Variants in KCNQ1OT1 observed in about 807,000 individuals in gnomAD.
KCNQ1OT1 encodes KCNQ1 opposite strand/antisense transcript 1, also known as KCNQ1 antisense RNA 2 (non-protein coding).
rs1218155906 is a variant in KCNQ1OT1, at chr11:2,654,647, T to TGAGGGCA, written n.45341_45347dup. On this transcript the variant is annotated non_coding_transcript_exon_variant, in exon 1 of 1. Transcript: ENST00000597346. This position sits in a 1 kb window ranked among gnomAD's most constrained non-coding sequence, Gnocchi z 6.4. ...GGCCCAGACACTGGCGAGAGTCTCT[T>TGAGGGCA]GAGGGCAGAGGGCAGCAGAGATGGG... 3 of 398,672 alleles carry TGAGGGCA rather than the reference T, an allele frequency of 7.5e-6. No homozygotes were observed. Among genetic ancestry groups the TGAGGGCA allele is most frequent in the African/African-American group, 2.1e-5 (1 of 48,584 alleles). The allele number at this position is 398,672 out of a possible 1,614,324, so 24.7% of individuals were successfully genotyped here.
In KCNQ1OT1 at chr11:2,683,274, T is replaced by C; in HGVS notation, n.16721A>G. ...CCTCCAGAACCTGTCAGCCTGAGTA[T>C]GGGCAATGGCGTTTTAGTTTGCAAA... On this transcript the variant is annotated non_coding_transcript_exon_variant, in exon 1 of 1. Coordinates refer to ENST00000597346, the Ensembl canonical transcript of KCNQ1OT1. The surrounding 1 kb of genome is among the most constrained non-coding windows in gnomAD (Gnocchi z 4.7). The C allele has an allele frequency of 2.5e-6, 1 of 398,616 alleles. No individual in the cohort carries two copies. The allele number at this position is 398,616 out of a possible 1,614,324, so 24.7% of individuals were successfully genotyped here.
chr11:2,621,407 G>A lies in KCNQ1OT1; in HGVS notation n.78588C>T. On this transcript the variant is annotated non_coding_transcript_exon_variant, in exon 1 of 1. Transcript: ENST00000597346. This position sits in a 1 kb window ranked among gnomAD's most constrained non-coding sequence, Gnocchi z 5.7. ...CAATTGGATTATTCGTTTTTTGCTT[G>A]TTGATTGGTTTAAGTTCCTTATGGA... 2.5e-6 allele frequency: 1 copy of A among 398,556 alleles called. No individual in the cohort carries two copies. The highest frequency in any genetic ancestry group is 4.4e-6 in the Non-Finnish European group (1 of 226,040). 24.7% of individuals were successfully genotyped at this position (398,556 alleles called of 1,614,324 possible). A position where few individuals can be genotyped will look rare whatever the true frequency, so the allele number is the denominator to read the frequency against.
At chr11:2,625,192 C>A in exon 1 of KCNQ1OT1, 1 of 398,636 alleles carries the variant, frequency 2.5e-6, no homozygotes, top group Non-Finnish European at 4.4e-6. Context: ...TGCATTCCCA[C>A]TAACAGTGCA....
exon 1 of KCNQ1OT1, chr11:2,689,331 C>T (rs1049058782): frequency 1.8e-5 from 7 of 398,558 alleles, no homozygotes; most frequent in Admixed American, 8.8e-5. Flanking sequence ...CTGCCCCTAT[C>T]CGCAGAGCTT....
Position 2,673,849 on chromosome 11 carries a change from T to C in KCNQ1OT1, n.26146A>G, listed in dbSNP as rs1850234694. 2.5e-6 allele frequency: 1 copy of C among 398,030 alleles called. No individual in the cohort carries two copies. Among genetic ancestry groups the C allele is most frequent in the African/African-American group, 2.1e-5 (1 of 48,432 alleles). The allele number at this position is 398,030 out of a possible 1,614,324, so 24.7% of individuals were successfully genotyped here. On this transcript the variant is annotated non_coding_transcript_exon_variant, in exon 1 of 1. Transcript: ENST00000597346. The surrounding 1 kb of genome is among the most constrained non-coding windows in gnomAD (Gnocchi z 4.5). ...AGCACCACAGCCAGGAGAGTCAAGG[T>C]TGGATATGAAGAGGGACTTCCTGAA...
chr11:2,631,267 G>T (rs1589992372), exon 1 of KCNQ1OT1: 3 of 398,286 alleles, frequency 7.5e-6, no homozygotes, highest in Non-Finnish European at 1.3e-5. Context: ...AACTTCCCTT[G>T]TTACCTTTTC....
In KCNQ1OT1 at chr11:2,654,507, GC is replaced by G; in HGVS notation, n.45487del. ...TACAGGGGAGGGGGCAATCTCCGGAGCCCTGGAAAGCTTGTGGAAGAGGGCT... is the reference window on the plus strand; with the variant it reads ...TACAGGGGAGGGGGCAATCTCCGGAGCCTGGAAAGCTTGTGGAAGAGGGCT... On this transcript the variant is annotated non_coding_transcript_exon_variant, in exon 1 of 1. Transcript: ENST00000597346. This position sits in a 1 kb window ranked among gnomAD's most constrained non-coding sequence, Gnocchi z 6.4. 1 of 398,772 alleles carries G rather than the reference GC, an allele frequency of 2.5e-6. No homozygotes were observed. The highest frequency in any genetic ancestry group is 6.3e-4 in the Middle Eastern group (1 of 1,586). The allele number at this position is 398,772 out of a possible 1,614,324, so 24.7% of individuals were successfully genotyped here.
In KCNQ1OT1 at chr11:2,621,679, C is replaced by T. The variant is rs914524856; in HGVS notation, n.78316G>A. 1 of 398,362 alleles carries T rather than the reference C, an allele frequency of 2.5e-6. No individual in the cohort carries two copies. The highest frequency in any genetic ancestry group is 4.4e-6 in the Non-Finnish European group (1 of 225,982). 24.7% of individuals were successfully genotyped at this position (398,362 alleles called of 1,614,324 possible). A position where few individuals can be genotyped will look rare whatever the true frequency, so the allele number is the denominator to read the frequency against. ...TCCAATTTGTTGGGATATAATTGTT[C>T]ATAAAAGTCCCTTATGATCCTTTTT... On this transcript the variant is annotated non_coding_transcript_exon_variant, in exon 1 of 1. Coordinates refer to ENST00000597346, the Ensembl canonical transcript of KCNQ1OT1. The surrounding 1 kb of genome is among the most constrained non-coding windows in gnomAD (Gnocchi z 5.7).
rs1392388463 is a variant in KCNQ1OT1, at chr11:2,663,027, G to A, written n.36968C>T. 1.5e-5 allele frequency: 6 copies of A among 398,680 alleles called. No individual in the cohort carries two copies. The highest frequency in any genetic ancestry group is 8.8e-6 in the Non-Finnish European group (2 of 226,172). 24.7% of individuals were successfully genotyped at this position (398,680 alleles called of 1,614,324 possible). On this transcript the variant is annotated non_coding_transcript_exon_variant, in exon 1 of 1. Transcript: ENST00000597346. This position sits in a 1 kb window ranked among gnomAD's most constrained non-coding sequence, Gnocchi z 5.2. ...ATCACTGAGGAAATCGGGACCCATG[G>A]TGCTGGGGGCTGCAGGTGTAACCAG... is the stretch of plus-strand genomic sequence containing the variant.
rs971790282 is a variant in KCNQ1OT1 at position 2,627,837 on chromosome 11, A to G, written n.72158T>C. 1 of 398,528 alleles carries G rather than the reference A, an allele frequency of 2.5e-6. No homozygotes were observed. The highest frequency in any genetic ancestry group is 4.4e-6 in the Non-Finnish European group (1 of 226,148). The allele number at this position is 398,528 out of a possible 1,614,324, so 24.7% of individuals were successfully genotyped here. ...ACAATCACAGTTCACTGTAGCCTCA[A>G]CCTCATGGGCTCAAGTGATCCTCCT... is the stretch of plus-strand genomic sequence containing the variant. On this transcript the variant is annotated non_coding_transcript_exon_variant, in exon 1 of 1. Transcript: ENST00000597346. This position sits in a 1 kb window ranked among gnomAD's most constrained non-coding sequence, Gnocchi z 4.9.
chr11:2,631,220 A>G (rs1849347535), exon 1 of KCNQ1OT1: 1 of 398,518 alleles, frequency 2.5e-6, no homozygotes, highest in Admixed American at 4.4e-5. Context: ...TCCTGTGTGA[A>G]CATTAACTCT....
exon 1 of KCNQ1OT1, chr11:2,648,692 A>T: frequency 2.5e-6 from 1 of 398,548 alleles, no homozygotes; most frequent in East Asian, 3.6e-5. Context: ...GTGTCCTAAC[A>T]TATGGTATAT....
exon 1 of KCNQ1OT1, chr11:2,615,436 A>G (rs753045419): frequency 2.3e-5 from 9 of 397,840 alleles, no homozygotes; most frequent in Non-Finnish European, 4.0e-5. Context: ...CTTTCAGTAC[A>G]TTGTTCAATA....
At position 2,695,765 on chromosome 11, in the gene KCNQ1OT1, C is replaced by A; in HGVS notation, n.4230G>T. 5.0e-6 allele frequency: 2 copies of A among 398,620 alleles called. No homozygotes were observed. The highest frequency in any genetic ancestry group is 8.8e-6 in the Non-Finnish European group (2 of 226,062). The allele number at this position is 398,620 out of a possible 1,614,324, so 24.7% of individuals were successfully genotyped here. On this transcript the variant is annotated non_coding_transcript_exon_variant, in exon 1 of 1. Transcript: ENST00000597346. The surrounding 1 kb of genome is among the most constrained non-coding windows in gnomAD (Gnocchi z 5.2). Reference sequence around the variant, plus strand: ...TTCCTTGCCTTCTGCCAACACTTGGCCTTATCCTACTTTCTAATGCTTCTC... The same window carrying A: ...TTCCTTGCCTTCTGCCAACACTTGGACTTATCCTACTTTCTAATGCTTCTC...
rs1849180997 is a variant in KCNQ1OT1, at chr11:2,621,982, T to A, written n.78013A>T. 1 of 398,280 alleles carries A rather than the reference T, an allele frequency of 2.5e-6. No individual in the cohort carries two copies. Among genetic ancestry groups the A allele is most frequent in the Admixed American group, 4.4e-5 (1 of 22,706 alleles). 24.7% of individuals were successfully genotyped at this position (398,280 alleles called of 1,614,324 possible). On this transcript the variant is annotated non_coding_transcript_exon_variant, in exon 1 of 1. Transcript: ENST00000597346. This position sits in a 1 kb window ranked among gnomAD's most constrained non-coding sequence, Gnocchi z 5.7. ...TTTGGGCTATTTGAAATATCTCTTC[T>A]TTTTTAATGTAGGCAAGGCATTTAT...
In KCNQ1OT1 at chr11:2,676,302, G is replaced by C. The variant is rs1850293390; in HGVS notation, n.23693C>G. The C allele has an allele frequency of 2.5e-6, 1 of 398,528 alleles. No homozygotes were observed. The highest frequency in any genetic ancestry group is 1.3e-4 in the South Asian group (1 of 7,852). 24.7% of individuals were successfully genotyped at this position (398,528 alleles called of 1,614,324 possible). A position where few individuals can be genotyped will look rare whatever the true frequency, so the allele number is the denominator to read the frequency against. ...TTTACATGTATACAGACACACGTGT[G>C]AACAGGTGATGGCTCTGAACAGTGT... On this transcript the variant is annotated non_coding_transcript_exon_variant, in exon 1 of 1. Coordinates refer to ENST00000597346, the Ensembl canonical transcript of KCNQ1OT1. This position sits in a 1 kb window ranked among gnomAD's most constrained non-coding sequence, Gnocchi z 4.2.
In KCNQ1OT1 at chr11:2,611,947, C is replaced by G. The variant is rs953632662; in HGVS notation, n.88048G>C. 9 of 398,474 alleles carry G rather than the reference C, an allele frequency of 2.3e-5. No homozygotes were observed. Among genetic ancestry groups the G allele is most frequent in the Non-Finnish European group, 3.1e-5 (7 of 226,072 alleles). The allele number at this position is 398,474 out of a possible 1,614,324, so 24.7% of individuals were successfully genotyped here. A position where few individuals can be genotyped will look rare whatever the true frequency, so the allele number is the denominator to read the frequency against. On this transcript the variant is annotated non_coding_transcript_exon_variant, in exon 1 of 1. Transcript: ENST00000597346. This position sits in a 1 kb window ranked among gnomAD's most constrained non-coding sequence, Gnocchi z 5.3. ...ATCTGCTTCAGGTTAATAATCTACTCAAATATTTTTGTCTGCCCTATTCTC... is the reference window on the plus strand; with the variant it reads ...ATCTGCTTCAGGTTAATAATCTACTGAAATATTTTTGTCTGCCCTATTCTC...
chr11:2,658,031 T>C lies in KCNQ1OT1; in HGVS notation n.41964A>G. ...TTTTCCCTTTCCATAGCTTAGTCTTTAGAAGCGAGTCACTAAGTATAGCCC... is the reference window on the plus strand; with the variant it reads ...TTTTCCCTTTCCATAGCTTAGTCTTCAGAAGCGAGTCACTAAGTATAGCCC... On this transcript the variant is annotated non_coding_transcript_exon_variant, in exon 1 of 1. Transcript: ENST00000597346. The surrounding 1 kb of genome is among the most constrained non-coding windows in gnomAD (Gnocchi z 4.9). 7.5e-6 allele frequency: 3 copies of C among 398,592 alleles called. No homozygotes were observed. The highest frequency in any genetic ancestry group is 1.3e-5 in the Non-Finnish European group (3 of 226,046). 24.7% of individuals were successfully genotyped at this position (398,592 alleles called of 1,614,324 possible). A position where few individuals can be genotyped will look rare whatever the true frequency, so the allele number is the denominator to read the frequency against.
At position 2,691,775 on chromosome 11, in the gene KCNQ1OT1, G is replaced by C. The variant is rs1590035740; in HGVS notation, n.8220C>G. 5.0e-6 allele frequency: 2 copies of C among 398,682 alleles called. No homozygotes were observed. The highest frequency in any genetic ancestry group is 1.3e-4 in the South Asian group (1 of 7,864). 24.7% of individuals were successfully genotyped at this position (398,682 alleles called of 1,614,324 possible). ...CACTAGGGCCATTTGCAGGCCAGTG[G>C]CCATCCACTGCCAGCAATCAGAGAA... On this transcript the variant is annotated non_coding_transcript_exon_variant, in exon 1 of 1. Coordinates refer to ENST00000597346, the Ensembl canonical transcript of KCNQ1OT1. The surrounding 1 kb of genome is among the most constrained non-coding windows in gnomAD (Gnocchi z 6.4).
Sources: gnomAD v4.1 joint callset for allele counts on GRCh38, gnomAD v4.1.1 for gene constraint, Gnocchi (gnomAD v3.1) non-coding constraint, MANE v1.5 for transcripts, NCBI Gene and HGNC (gene_info 2026-07-23, HGNC 2026-07-21) for gene names.